The following SLC39A11 variants were observed in gnomAD, a reference collection of about 807,000 sequenced individuals.
SLC39A11 encodes solute carrier family 39 member 11, also known as zinc transporter ZIP11.
In SLC39A11, 33 loss-of-function variants were observed where a neutral mutation model predicts 36.1. The observed-to-expected ratio is 0.91, with a 90% CI of 0.69 to 1.22. SLC39A11 has a LOEUF of 1.22. Ranked by LOEUF, SLC39A11 falls within the 50% of genes most tolerant of loss-of-function variation. The pLI is 0.00. For synonymous variants in SLC39A11, 166 were observed against 170.3 expected, an observed-to-expected ratio of 0.97 and a Z score of 0.20; for missense variants, 432 against 430.3, an observed-to-expected ratio of 1.00 and a Z score of -0.03.
chr17:72,938,855 T>A (rs2147564793), intron 5 of SLC39A11, among the ~76,000 whole-genome samples: 1 of 152,320 alleles, frequency 6.6e-6, no homozygotes, highest in Admixed American at 6.5e-5. Flanking sequence ...AAGCAAATGT[T>A]AAATTTTGCA....
intron 3 of SLC39A11, among the ~76,000 whole-genome samples, chr17:73,055,453 A>G (rs2059634624): frequency 6.7e-6 from 1 of 150,360 alleles, no homozygotes; most frequent in African/African-American, 2.5e-5. Context: ...TTTTTTTTAG[A>G]GAGGGTCTCA....
intron 5 of SLC39A11, among the ~76,000 whole-genome samples, chr17:72,924,862 C>T (rs1399687712): frequency 6.6e-6 from 1 of 152,010 alleles, no homozygotes; most frequent in Non-Finnish European, 1.5e-5. Context: ...ATTAGCCAGG[C>T]ATGGTGGCGT....
chr17:72,698,488 G>A (rs1000910142), intron 7 of SLC39A11, among the ~76,000 whole-genome samples: 3 of 147,872 alleles, frequency 2.0e-5, no homozygotes, highest in Admixed American at 6.7e-5. Flanking sequence ...AAGGCAGTTG[G>A]GTCTGAATAT....
intron 5 of SLC39A11, among the ~76,000 whole-genome samples, chr17:72,932,779 A>G (rs1567976441): frequency 6.6e-6 from 1 of 152,194 alleles, no homozygotes; most frequent in Non-Finnish European, 1.5e-5. Context: ...TTTTACATGT[A>G]TTCGCTTAGC....
At chr17:72,653,747 T>G (rs1331811399) in intron 7 of SLC39A11, among the ~76,000 whole-genome samples, 3 of 152,116 alleles carry the variant, frequency 2.0e-5, no homozygotes, top group Non-Finnish European at 4.4e-5. Flanking sequence ...CCTGCTGCAC[T>G]TTAAAGTATG....
chr17:72,776,219 G>T (rs547044286), intron 6 of SLC39A11, among the ~76,000 whole-genome samples: 1 of 152,168 alleles, frequency 6.6e-6, no homozygotes, highest in Non-Finnish European at 1.5e-5. Context: ...CTCACAGGTC[G>T]TTGCCTCCAT....
At chr17:72,763,584 C>G (rs1167040922) in intron 6 of SLC39A11, among the ~76,000 whole-genome samples, 3 of 152,178 alleles carry the variant, frequency 2.0e-5, no homozygotes, top group Non-Finnish European at 4.4e-5. Flanking sequence ...TAATTAAGAG[C>G]TGTTCACAAA....
intron 3 of SLC39A11, among the ~76,000 whole-genome samples, chr17:73,034,442 G>A (rs1172043214): frequency 2.0e-5 from 3 of 152,210 alleles, no homozygotes; most frequent in East Asian, 1.9e-4. Flanking sequence ...GGCTGGTCTC[G>A]AACTTCTGAC....
intron 4 of SLC39A11, among the ~76,000 whole-genome samples, chr17:73,021,945 G>A (rs377220986): frequency 4.6e-4 from 70 of 152,136 alleles, no homozygotes; most frequent in African/African-American, 1.1e-3. Context: ...CACGCAGTGC[G>A]TGTGTGTGTG....
chr17:72,670,160 TACACACACACACACAC>T (rs202032502), intron 7 of SLC39A11, among the ~76,000 whole-genome samples: 2,204 of 104,670 alleles, frequency 0.021, 72 homozygotes, highest in African/African-American at 0.043. Context: ...ACATTTTATA[TACACACACACACACAC>T]ACACACACAC....
chr17:72,837,520 T>C (rs1203192331), intron 6 of SLC39A11, among the ~76,000 whole-genome samples: 1 of 152,138 alleles, frequency 6.6e-6, no homozygotes, highest in East Asian at 1.9e-4. Flanking sequence ...GTTCAAAGGT[T>C]TCCATATGAC....
At chr17:72,685,284 G>A (rs1040020845) in intron 7 of SLC39A11, among the ~76,000 whole-genome samples, 1 of 152,270 alleles carries the variant, frequency 6.6e-6, no homozygotes, top group Non-Finnish European at 1.5e-5. Flanking sequence ...AATTTCAGGG[G>A]AGGACCTCGT....
intron 6 of SLC39A11, among the ~76,000 whole-genome samples, chr17:72,796,841 T>C (rs1422062368): frequency 6.6e-6 from 1 of 152,126 alleles, no homozygotes; most frequent in Non-Finnish European, 1.5e-5. Context: ...AAGTGCTAAG[T>C]ATGCAAGAAG....
intron 6 of SLC39A11, among the ~76,000 whole-genome samples, chr17:72,820,244 T>C (rs950339313): frequency 6.6e-6 from 1 of 151,222 alleles, no homozygotes; most frequent in Non-Finnish European, 1.5e-5. Flanking sequence ...TCTTTGACTA[T>C]TTTCCCCTCT....
intron 7 of SLC39A11, among the ~76,000 whole-genome samples, chr17:72,674,857 T>C (rs904858711): frequency 6.6e-6 from 1 of 152,294 alleles, no homozygotes; most frequent in East Asian, 1.9e-4. Flanking sequence ...GTGAATTATC[T>C]GGTCACATCT....
chr17:73,018,004 A>T (rs369442257), intron 4 of SLC39A11, among the ~76,000 whole-genome samples: 23 of 152,268 alleles, frequency 1.5e-4, no homozygotes, highest in African/African-American at 5.1e-4. Flanking sequence ...TAGCAAGGAA[A>T]TCTCACTGTA....
chr17:73,003,910 A>C (rs570000382), intron 4 of SLC39A11, among the ~76,000 whole-genome samples: 1 of 151,720 alleles, frequency 6.6e-6, no homozygotes, highest in Non-Finnish European at 1.5e-5. Flanking sequence ...ACATGGTGAA[A>C]CCCCGTCTCT....
intron 5 of SLC39A11, among the ~76,000 whole-genome samples, chr17:72,875,166 T>A (rs182616268): frequency 1.9e-4 from 29 of 152,268 alleles, no homozygotes; most frequent in Admixed American, 1.8e-3. Context: ...GGGGAGGAAG[T>A]CACAAGAAAT....
chr17:72,822,515 A>G (rs1267948154), intron 6 of SLC39A11, among the ~76,000 whole-genome samples: 1 of 150,910 alleles, frequency 6.6e-6, no homozygotes. Context: ...CCTCAGCTTC[A>G]CGTGGCCAGT....
Sources: gnomAD v4.1 joint callset for allele counts (sites outside exome capture counted in the v4.1 genomes callset) on GRCh38, gnomAD v4.1.1 for gene constraint, MANE v1.5 for transcripts, NCBI Gene and HGNC (gene_info 2026-07-23, HGNC 2026-07-21) for gene names.